IFT56: variants seen among roughly 807,000 people sequenced by gnomAD.
IFT56 encodes intraflagellar transport protein 56.
At chr7:139,137,076 AT>A in the IFT56 span, among the ~76,000 whole-genome samples, 1 of 152,326 alleles carries the variant, frequency 6.6e-6, no homozygotes, top group African/African-American at 2.4e-5. Context: ...CTGAAATTCT[AT>A]AGTGATGCTC....
the IFT56 span, among the ~76,000 whole-genome samples, chr7:139,180,156 T>C: frequency 6.7e-6 from 1 of 149,894 alleles, no homozygotes; most frequent in Non-Finnish European, 1.5e-5. Context: ...GCTAGCACGG[T>C]GAAACCCCAT....
At chr7:139,172,898 C>T in the IFT56 span, 5 of 705,398 alleles carry the variant, frequency 7.1e-6, no homozygotes, top group East Asian at 2.9e-5. Context: ...CTGCTATGCA[C>T]GGGTGTCTTC....
chr7:139,171,539 A>G, the IFT56 span, among the ~76,000 whole-genome samples: 1 of 152,180 alleles, frequency 6.6e-6, no homozygotes, highest in Admixed American at 6.5e-5. Context: ...AATAATCCAT[A>G]TGTCTACAGT....
the IFT56 span, chr7:139,172,620 A>G: frequency 5.0e-6 from 3 of 595,884 alleles, no homozygotes; most frequent in Non-Finnish European, 9.9e-6. Flanking sequence ...AACCTCAAAT[A>G]GAGATCAAAG....
At chr7:139,165,470 G>T in the IFT56 span, among the ~76,000 whole-genome samples, 3 of 150,358 alleles carry the variant, frequency 2.0e-5, no homozygotes, top group East Asian at 3.9e-4. Flanking sequence ...CTTTTATTTT[G>T]CTATCCTTTA....
At chr7:139,184,811 T>C in the IFT56 span, among the ~76,000 whole-genome samples, 3 of 151,942 alleles carry the variant, frequency 2.0e-5, no homozygotes, top group African/African-American at 7.3e-5. Context: ...TCCCAGCACT[T>C]TGGGAGGCTG....
chr7:139,167,940 C>CA, the IFT56 span, among the ~76,000 whole-genome samples: 630 of 108,792 alleles, frequency 5.8e-3, 3 homozygotes, highest in Non-Finnish European at 7.7e-3. Context: ...GACTCGGTCT[C>CA]AAAAAAAAAA....
the IFT56 span, chr7:139,189,727 A>G: frequency 5.1e-6 from 1 of 197,300 alleles, no homozygotes; most frequent in Admixed American, 5.9e-5. Context: ...TAAGGAAAAC[A>G]GTATAACTTT....
chr7:139,160,433 CTT>C, the IFT56 span, among the ~76,000 whole-genome samples: 48 of 138,414 alleles, frequency 3.5e-4, no homozygotes, highest in African/African-American at 5.7e-4. Context: ...AGTCACTTAA[CTT>C]TTTTTTTTTT....
the IFT56 span, among the ~76,000 whole-genome samples, chr7:139,137,246 G>A: frequency 6.6e-6 from 1 of 152,084 alleles, no homozygotes; most frequent in African/African-American, 2.4e-5. Flanking sequence ...ATAAATATTT[G>A]TTCACAATGG....
At chr7:139,134,861 C>G in the IFT56 span, 2 of 1,522,384 alleles carry the variant, frequency 1.3e-6, no homozygotes, top group Non-Finnish European at 1.8e-6. Context: ...TGGGTGAATG[C>G]TGTTTGCTAT....
At chr7:139,182,288 A>G in the IFT56 span, among the ~76,000 whole-genome samples, 51 of 152,302 alleles carry the variant, frequency 3.3e-4, 1 homozygote, top group Admixed American at 3.1e-3. Context: ...ATTAATCAAC[A>G]AAAGCTCATT....
At chr7:139,163,703 G>C in the IFT56 span, among the ~76,000 whole-genome samples, 59 of 152,296 alleles carry the variant, frequency 3.9e-4, no homozygotes, top group African/African-American at 1.4e-3. Flanking sequence ...TTTAAAGTGA[G>C]AAGTAGGACC....
At chr7:139,187,602 G>T in the IFT56 span, 641 of 1,563,406 alleles carry the variant, frequency 4.1e-4, no homozygotes, top group Admixed American at 7.8e-4. Flanking sequence ...GAAAATACTT[G>T]TTCTCTTGGA....
the IFT56 span, among the ~76,000 whole-genome samples, chr7:139,185,573 A>G: frequency 6.6e-6 from 1 of 152,098 alleles, no homozygotes; most frequent in African/African-American, 2.4e-5. Flanking sequence ...AGTTCTGAGA[A>G]GCAGAACTCA....
At chr7:139,160,376 G>A in the IFT56 span, among the ~76,000 whole-genome samples, 9 of 151,800 alleles carry the variant, frequency 5.9e-5, no homozygotes, top group African/African-American at 2.2e-4. Flanking sequence ...GTAGTCTTCA[G>A]ACTTGAGTAT....
At chr7:139,160,367 T>C in the IFT56 span, among the ~76,000 whole-genome samples, 2 of 152,152 alleles carry the variant, frequency 1.3e-5, no homozygotes, top group Non-Finnish European at 2.9e-5. Context: ...CTAACTCTAG[T>C]AGTCTTCAGA....
At chr7:139,150,748 C>T in the IFT56 span, among the ~76,000 whole-genome samples, 4 of 152,184 alleles carry the variant, frequency 2.6e-5, no homozygotes, top group African/African-American at 4.8e-5. Flanking sequence ...CAATAGCATC[C>T]TGCTTTTCTA....
chr7:139,171,183 A>C, the IFT56 span, among the ~76,000 whole-genome samples: 2 of 152,230 alleles, frequency 1.3e-5, no homozygotes, highest in Non-Finnish European at 2.9e-5. Flanking sequence ...TTGATGCAAG[A>C]AATTGAAGAG....
Sources: gnomAD v4.1 joint callset for allele counts (sites outside exome capture counted in the v4.1 genomes callset) on GRCh38, gnomAD v4.1.1 for gene constraint, MANE v1.5 for transcripts, NCBI Gene and HGNC (gene_info 2026-07-23, HGNC 2026-07-21) for gene names.